AMOT: variants seen among roughly 807,000 people sequenced by gnomAD.
AMOT encodes the protein angiomotin.
AMOT carries 11 observed loss-of-function variants against 67.0 expected under a neutral mutation model. The observed-to-expected ratio is 0.16, with a 90% confidence interval of 0.10 to 0.27. The LOEUF (loss-of-function observed/expected upper bound fraction) is 0.27. Ranked by LOEUF, AMOT falls within the 10% of genes least tolerant of loss-of-function variation. The probability of loss-of-function intolerance (pLI) is 1.00; values close to 1 mark genes in which losing one functional copy is unlikely to be tolerated. For missense variants in AMOT, 753 were observed against 852.0 expected, an observed-to-expected ratio of 0.88 and a Z score of 1.45; for synonymous variants, 326 against 321.4, an observed-to-expected ratio of 1.01 and a Z score of -0.15.
At chrX:112,781,443 CAAAAA>C (rs35689399) in intron 11 of AMOT, among the ~76,000 whole-genome samples, 1 of 29,002 alleles carries the variant, frequency 3.4e-5, no homozygotes. Flanking sequence ...GACTCCATCT[CAAAAA>C]AAAAAAAAAA....
chrX:112,829,457 G>A (rs1419946222), intron 2 of AMOT, among the ~76,000 whole-genome samples: 3 of 111,533 alleles, frequency 2.7e-5, no homozygotes, highest in Admixed American at 9.6e-5. Flanking sequence ...GTAGATGTTC[G>A]CACCATGCTT....
chrX:112,830,126 A>T (rs1934950363), intron 2 of AMOT, among the ~76,000 whole-genome samples: 1 of 112,173 alleles, frequency 8.9e-6, no homozygotes, highest in Non-Finnish European at 1.9e-5. Context: ...ATAAAGAAAA[A>T]AATCACTTAT....
At position 112,776,351 on chromosome X, in the gene AMOT, AG is replaced by A. The variant is rs1932938821; in HGVS notation, c.*2215del. 2 of 112,373 alleles carry A rather than the reference AG, an allele frequency of 1.8e-5. No individual in the cohort carries two copies. The highest frequency in any genetic ancestry group is 7.4e-4 in the South Asian group (2 of 2,700). 9.3% of individuals were successfully genotyped at this position (112,373 alleles called of 1,213,427 possible). On this transcript the variant is annotated 3_prime_UTR_variant, in exon 14 of 14. Transcript: ENST00000371959. ...TTTGGATAGAAAGTAGCTCTCCTGA[AG>A]TTTGCTACTTGCTGCTTCTACTATT...
intron 4 of AMOT, chrX:112,819,364 G>C (rs966359376): frequency 2.7e-6 from 2 of 752,746 alleles, no homozygotes; most frequent in African/African-American, 4.6e-5. Flanking sequence ...ATGGTGAATC[G>C]GTGAATCTGT....
intron 3 of AMOT, among the ~76,000 whole-genome samples, chrX:112,824,431 G>C (rs1329292077): frequency 8.9e-6 from 1 of 111,773 alleles, no homozygotes; most frequent in Non-Finnish European, 1.9e-5. Flanking sequence ...TGGCTCCCAG[G>C]CTCTTATTTC....
At chrX:112,826,096 C>T in intron 2 of AMOT, among the ~76,000 whole-genome samples, 1 of 111,389 alleles carries the variant, frequency 9.0e-6, no homozygotes, top group Non-Finnish European at 1.9e-5. Flanking sequence ...TAATTTCTGC[C>T]TGGACTCTCT....
intron 10 of AMOT, among the ~76,000 whole-genome samples, chrX:112,788,402 A>G (rs1345405031): frequency 5.4e-5 from 6 of 111,700 alleles, no homozygotes; most frequent in African/African-American, 1.6e-4. Context: ...GAGAAAGAAG[A>G]GGAAAACAAG....
intron 8 of AMOT, among the ~76,000 whole-genome samples, chrX:112,801,758 A>C (rs1249502031): frequency 8.9e-6 from 1 of 112,552 alleles, no homozygotes; most frequent in Non-Finnish European, 1.9e-5. Flanking sequence ...GGGTCCTCTG[A>C]CCATTAAAGT....
Position 112,839,508 on chromosome X carries a change from C to T in AMOT, c.-289+944G>A, listed in dbSNP as rs185586422. Among the ~76,000 whole-genome samples, 16 of 111,652 alleles carry T rather than the reference C, an allele frequency of 1.4e-4. No individual in the cohort carries two copies. The South Asian group carries it at 6.2e-3, about 43-fold the overall frequency. On this transcript the variant is annotated intron_variant, in intron 1 of 13. Transcript: ENST00000371959. ...GCCTCCCAACGTCCACTCTTCATGG[C>T]GGGGAGGGAGGAGAACTTCATGCAC...
At chrX:112,812,626 T>C (rs754398459) in intron 5 of AMOT, among the ~76,000 whole-genome samples, 4 of 112,212 alleles carry the variant, frequency 3.6e-5, no homozygotes, top group African/African-American at 6.5e-5. Flanking sequence ...GATATTTGCA[T>C]ATAATTTGTA....
chrX:112,817,289 G>A lies in AMOT; in HGVS notation c.873-1412C>T, dbSNP rs774973942. ...ATACTGGGGTCTTCTCATTTTTGGC[G>A]GAATAGGAATTACAGTCACTTCTCT... On this transcript the variant is annotated intron_variant, in intron 4 of 13. Transcript: ENST00000371959. Among the ~76,000 whole-genome samples the A allele has an allele frequency of 7.1e-5, 8 of 112,114 alleles. No homozygotes were observed. The East Asian group carries it at 1.4e-3, about 20-fold the overall frequency.
rs773009609 is a variant in AMOT at position 112,779,025 on chromosome X, T to A, written c.3129A>T (p.Pro1043=). 1 of 1,210,179 alleles carries A rather than the reference T, an allele frequency of 8.3e-7. No homozygotes were observed. The highest frequency in any genetic ancestry group is 1.7e-5 in the African/African-American group (1 of 57,358). Reference sequence around the variant, plus strand: ...TTTTGTCTGGATTGCAGGTCAAACTTGGTATAGACAAACGATGTGGTCCAG... The same window carrying A: ...TTTTGTCTGGATTGCAGGTCAAACTAGGTATAGACAAACGATGTGGTCCAG... The part of the protein sequence containing the change: ...TGPGPHRLSI[P]SLTCNPDKTD... Residue 1043 remains proline (P), a synonymous_variant, in exon 13 of 14, where the codon CCA becomes CCT. Coordinates refer to ENST00000371959, the MANE Select transcript of AMOT (RefSeq NM_001113490.2).
rs1027446850 is a variant in AMOT, at chrX:112,778,429, T to C, written c.*138A>G. The C allele has an allele frequency of 3.9e-6, 2 of 511,269 alleles. No individual in the cohort carries two copies. Among genetic ancestry groups the C allele is most frequent in the Non-Finnish European group, 6.5e-6 (2 of 305,437 alleles). 42.1% of individuals were successfully genotyped at this position (511,269 alleles called of 1,213,427 possible). On this transcript the variant is annotated 3_prime_UTR_variant, in exon 14 of 14. Coordinates refer to ENST00000371959, the MANE Select transcript of AMOT (RefSeq NM_001113490.2). Reference sequence around the variant, plus strand: ...CACATGGTATTACTCAAGTAGTACATTGTTCCAATAAAAAGTCCTGTTAAA... The same window carrying C: ...CACATGGTATTACTCAAGTAGTACACTGTTCCAATAAAAAGTCCTGTTAAA...
At chrX:112,813,151 T>C (rs1055929187) in intron 5 of AMOT, among the ~76,000 whole-genome samples, 2 of 112,306 alleles carry the variant, frequency 1.8e-5, no homozygotes, top group African/African-American at 6.5e-5. Context: ...ACCTAGAAGG[T>C]AGTCCCTTTC....
chrX:112,836,559 T>C (rs771719165), intron 1 of AMOT, among the ~76,000 whole-genome samples: 139 of 111,044 alleles, frequency 1.3e-3, no homozygotes, highest in Non-Finnish European at 1.7e-3. Context: ...CTAAAACTCA[T>C]GTTAGTACAG....
Position 112,811,374 on chromosome X carries a change from C to T in AMOT, c.1412G>A (p.Arg471His), listed in dbSNP as rs1260955184. ...RLQKVETEIQ[R>H]VSEAYENLVK... ...GAGGTTCTCATATGCCTCCGAGACG[C>T]GCTGGATTTCTGTCTCCACCTTAAC... Residue 471 changes from arginine (R) to histidine (H), a missense_variant, in exon 6 of 14, where the codon CGC becomes CAC. Physicochemically the swap from Arg to His is conservative, Grantham distance 29. This residue lies in a region of AMOT where 297 missense variants were observed against 284.3 expected (regional missense o/e 1.04). Coordinates refer to ENST00000371959, the MANE Select transcript of AMOT (RefSeq NM_001113490.2). 16 of 1,206,066 alleles carry T rather than the reference C, an allele frequency of 1.3e-5. No homozygotes were observed. Among genetic ancestry groups the T allele is most frequent in the Middle Eastern group, 2.4e-4 (1 of 4,221 alleles).
At chrX:112,800,785 G>C (rs762545286) in intron 8 of AMOT, among the ~76,000 whole-genome samples, 1 of 112,032 alleles carries the variant, frequency 8.9e-6, no homozygotes, top group Non-Finnish European at 1.9e-5. Context: ...TAGCCTTAGA[G>C]AATTGAGTAG....
At chrX:112,778,934 G>A in intron 13 of AMOT, 63 bp downstream of exon 13, 1 of 1,066,962 alleles carries the variant, frequency 9.4e-7, no homozygotes, top group Non-Finnish European at 1.3e-6. Flanking sequence ...CAGACAACAA[G>A]AAATAAATCT....
chrX:112,814,397 T>C (rs16987100), intron 5 of AMOT, among the ~76,000 whole-genome samples: 10,253 of 111,674 alleles, frequency 0.092, 629 homozygotes, highest in African/African-American at 0.22. Flanking sequence ...TCTGAAATTT[T>C]CACTCCTGGT....
Sources: allele counts gnomAD v4.1 joint callset (sites outside exome capture counted in the v4.1 genomes callset), GRCh38; gene constraint gnomAD v4.1.1; regional missense constraint gnomAD v4.1.1; transcripts MANE v1.5; gene names NCBI Gene and HGNC (gene_info 2026-07-23, HGNC 2026-07-21).